ARHGAP23: variants seen among roughly 807,000 people sequenced by gnomAD.
ARHGAP23 encodes Rho GTPase activating protein 23.
In ARHGAP23, 34 loss-of-function variants were observed where a neutral mutation model predicts 136.3. That is an observed-to-expected ratio of 0.25 (90% CI 0.19 to 0.33). ARHGAP23 has a LOEUF of 0.33. Ranked by LOEUF, ARHGAP23 falls within the 10% of genes least tolerant of loss-of-function variation. The pLI is 1.00. For synonymous variants in ARHGAP23, 832 were observed against 920.5 expected (o/e 0.90, Z 1.74); for missense variants, 1,808 against 2,139.0 (o/e 0.85, Z 3.05).
At position 38,466,793 on chromosome 17, in the gene ARHGAP23, G is replaced by A; in HGVS notation, c.1110G>A (p.Leu370=). 1 of 1,549,366 alleles carries A rather than the reference G, an allele frequency of 6.5e-7. No homozygotes were observed. Among genetic ancestry groups the A allele is most frequent in the Non-Finnish European group, 8.7e-7 (1 of 1,146,512 alleles). The change falls in exon 7 of 24, where the codon CTG becomes CTA. Residue 370 remains leucine (L), a synonymous_variant. Coordinates refer to ENST00000622683, the MANE Select transcript of ARHGAP23 (RefSeq NM_001199417.2). ...RSAEALGPGA[L]VSPRFERCGW... ...CCGAGGCACTGGGGCCAGGGGCACT[G>A]GTGTCACCCCGCTTTGAGCGGTGTG...
intron 1 of ARHGAP23, among the ~76,000 whole-genome samples, chr17:38,428,967 G>GA (rs562740670): frequency 6.6e-6 from 1 of 152,266 alleles, no homozygotes; most frequent in East Asian, 1.9e-4. Context: ...CAGCTGGAGG[G>GA]AGAGGGGGTG....
intron 16 of ARHGAP23, 111 bp from the exon 17 acceptor site, chr17:38,485,951 T>C: frequency 2.1e-6 from 2 of 968,190 alleles, no homozygotes; most frequent in Non-Finnish European, 3.2e-6. Context: ...TTGGTCTAAG[T>C]AGGTCCCAGG....
chr17:38,466,932 A>T lies in ARHGAP23; in HGVS notation c.1249A>T (p.Ile417Phe). 1 of 1,550,448 alleles carries T rather than the reference A, an allele frequency of 6.4e-7. No homozygotes were observed. The highest frequency in any genetic ancestry group is 8.7e-7 in the Non-Finnish European group (1 of 1,146,928). ...GCAGGGCCTGGATGACCTCGGGTACATCGGCTACCGGAGCTACAGCCCATC... is the reference window on the plus strand; with the variant it reads ...GCAGGGCCTGGATGACCTCGGGTACTTCGGCTACCGGAGCTACAGCCCATC... ...GLQGLDDLGY[I>F]GYRSYSPSFQ... The change falls in exon 7 of 24, where the codon ATC becomes TTC. Residue 417 changes from isoleucine to phenylalanine, a missense_variant. Coordinates refer to ENST00000622683, the MANE Select transcript of ARHGAP23 (RefSeq NM_001199417.2).
chr17:38,494,393 G>A (rs541038403), intron 20 of ARHGAP23, among the ~76,000 whole-genome samples: 8 of 152,138 alleles, frequency 5.3e-5, no homozygotes, highest in Admixed American at 6.5e-5. Context: ...ACAGATCCCC[G>A]TGCTGGGAAC....
At chr17:38,482,188 C>T (rs532057962) in intron 15 of ARHGAP23, 45 bp downstream of exon 15, 9 of 1,537,966 alleles carry the variant, frequency 5.9e-6, no homozygotes, top group African/African-American at 2.8e-5. Context: ...AGGGGGAGAC[C>T]GAGGCACAGA....
chr17:38,442,574 T>C (rs1160423167), intron 1 of ARHGAP23, among the ~76,000 whole-genome samples: 5 of 152,138 alleles, frequency 3.3e-5, no homozygotes. Flanking sequence ...GACAAGAGGG[T>C]GCACAGGTAA....
At chr17:38,504,965 C>G (rs2040598052) in intron 23 of ARHGAP23, among the ~76,000 whole-genome samples, 1 of 123,234 alleles carries the variant, frequency 8.1e-6, no homozygotes, top group African/African-American at 3.0e-5. Context: ...TACTCAGAAG[C>G]CTCCCTTATC....
rs2039599701 is a variant in ARHGAP23, at chr17:38,466,521, A to T, written c.838A>T (p.Ser280Cys). 1 of 1,477,554 alleles carries T rather than the reference A, an allele frequency of 6.8e-7. No individual in the cohort carries two copies. Among genetic ancestry groups the T allele is most frequent in the Admixed American group, 2.3e-5 (1 of 43,180 alleles). The allele number at this position is 1,477,554 out of a possible 1,614,324, so 91.5% of individuals were successfully genotyped here. Residue 280 changes from serine to cysteine, a missense_variant, in exon 7 of 24, where the codon AGC (serine) becomes TGC (cysteine). This residue lies in a region of ARHGAP23 where 859 missense variants were observed against 936.4 expected (regional missense o/e 0.92). Transcript: ENST00000622683. ...FPEPGSRVPP[S>C]RLECQQALSH... ...AGAGCCTGGCAGCCGGGTGCCCCCC[A>T]GCAGACTGGAGTGCCAGCAGGCCTT...
rs572736158 is a variant in ARHGAP23 at position 38,466,859 on chromosome 17, C to T, written c.1176C>T (p.Cys392=). The change falls in exon 7 of 24, where the codon TGC becomes TGT. Residue 392 remains cysteine, a synonymous_variant. Transcript: ENST00000622683. The stretch of plus-strand genomic sequence containing the variant: ...GTTCGTCTGCCCGCACCCCCGCCTG[C>T]CCAACTCGGGACCTGCCAGGGCCCC... The part of the protein sequence containing the change: ...SQRSSARTPA[C]PTRDLPGPQA... The T allele has an allele frequency of 6.5e-7, 1 of 1,549,410 alleles. No individual in the cohort carries two copies. The highest frequency in any genetic ancestry group is 1.2e-5 in the South Asian group (1 of 84,020).
At chr17:38,437,799 G>GC (rs11396423) in intron 1 of ARHGAP23, among the ~76,000 whole-genome samples, 12 of 151,374 alleles carry the variant, frequency 7.9e-5, no homozygotes, top group Non-Finnish European at 1.5e-4. Flanking sequence ...TAACGAAGGG[G>GC]GGGGAGGGCA....
rs190758642 is a variant in ARHGAP23, at chr17:38,434,329, C to T, written c.63+5781C>T. On this transcript the variant is annotated intron_variant, in intron 1 of 23. Coordinates refer to ENST00000622683, the MANE Select transcript of ARHGAP23 (RefSeq NM_001199417.2). ...TATGCCCAGTGCATTTGGGGGCGTC[C>T]GGGGGTCGGGGAACAGTGGGGCCTT... Among the ~76,000 whole-genome samples the T allele has an allele frequency of 5.9e-5, 9 of 152,312 alleles. No homozygotes were observed. In the East Asian group the frequency reaches 1.4e-3, roughly 23 times the overall value.
Position 38,478,513 on chromosome 17 carries a change from C to G in ARHGAP23, c.2436+617C>G, listed in dbSNP as rs188293805. ...CACTGCAACCTCCGCCTCCCAGGTT[C>G]AAGTGATTCTCCTGCCTTAGCCTCC... On this transcript the variant is annotated intron_variant, in intron 12 of 23. Transcript: ENST00000622683. Among the ~76,000 whole-genome samples, 253 of 151,768 alleles carry G rather than the reference C, an allele frequency of 1.7e-3. 1 individual carries two copies. Among genetic ancestry groups the G allele is most frequent in the African/African-American group, 5.9e-3 (243 of 41,376 alleles).
At chr17:38,431,740 G>A (rs913382775) in intron 1 of ARHGAP23, among the ~76,000 whole-genome samples, 1 of 152,196 alleles carries the variant, frequency 6.6e-6, no homozygotes, top group Non-Finnish European at 1.5e-5. Flanking sequence ...GGGTGATCGT[G>A]TCCAACTCTG....
chr17:38,506,972 G>A (rs1050450273), intron 23 of ARHGAP23, among the ~76,000 whole-genome samples: 11 of 151,966 alleles, frequency 7.2e-5, no homozygotes, highest in Non-Finnish European at 1.3e-4. Flanking sequence ...GAATACACTG[G>A]ACAAAAGAAA....
chr17:38,489,361 TC>T (rs1444139444), intron 17 of ARHGAP23, among the ~76,000 whole-genome samples: 1 of 146,218 alleles, frequency 6.8e-6, no homozygotes, highest in East Asian at 2.0e-4. Flanking sequence ...CTAGAAATGA[TC>T]CCCCCGCCCC....
chr17:38,471,728 C>G (rs1013462940), intron 10 of ARHGAP23, 135 bp from the exon 11 acceptor site: 7 of 1,011,550 alleles, frequency 6.9e-6, no homozygotes, highest in Non-Finnish European at 9.9e-6. Context: ...AAGCAATGCC[C>G]ATGAGGTCGC....
intron 1 of ARHGAP23, among the ~76,000 whole-genome samples, chr17:38,446,841 T>G (rs1357675798): frequency 6.6e-6 from 1 of 152,136 alleles, no homozygotes; most frequent in African/African-American, 2.4e-5. Flanking sequence ...AGTCTTCCTC[T>G]GTGGCCCAGG....
intron 10 of ARHGAP23, among the ~76,000 whole-genome samples, chr17:38,470,188 T>C (rs2039716150): frequency 6.6e-6 from 1 of 152,198 alleles, no homozygotes; most frequent in South Asian, 2.1e-4. Flanking sequence ...TCCCCTGTCT[T>C]CGCGGCTTTT....
In ARHGAP23 at chr17:38,510,015, C is replaced by T; in HGVS notation, c.3519C>T (p.Asn1173=). The T allele has an allele frequency of 8.0e-7, 1 of 1,249,840 alleles. No individual in the cohort carries two copies. Among genetic ancestry groups the T allele is most frequent in the East Asian group, 3.1e-5 (1 of 31,864 alleles). 77.4% of individuals were successfully genotyped at this position (1,249,840 alleles called of 1,614,324 possible). A position where few individuals can be genotyped will look rare whatever the true frequency, so the allele number is the denominator to read the frequency against. Reference sequence around the variant, plus strand: ...CGATCTCCTTCATCTCGGCCGTCAACCGCAAGCGCAAGAAGCGGCGGGAGG... The same window carrying T: ...CGATCTCCTTCATCTCGGCCGTCAATCGCAAGCGCAAGAAGCGGCGGGAGG... The part of the protein sequence containing the change: ...MLAISFISAV[N]RKRKKRREAR... Residue 1173 remains asparagine (N), a synonymous_variant, in exon 24 of 24, where the codon AAC becomes AAT. Coordinates refer to ENST00000622683, the MANE Select transcript of ARHGAP23 (RefSeq NM_001199417.2). This position sits in a 1 kb window ranked among gnomAD's most constrained non-coding sequence, Gnocchi z 4.6.
Sources: allele counts gnomAD v4.1 joint callset (sites outside exome capture counted in the v4.1 genomes callset), GRCh38; gene constraint gnomAD v4.1.1; regional missense constraint gnomAD v4.1.1; non-coding constraint Gnocchi (gnomAD v3.1); transcripts MANE v1.5; gene names NCBI Gene and HGNC (gene_info 2026-07-23, HGNC 2026-07-21).